The following COL13A1 variants were observed in gnomAD, a reference collection of about 807,000 sequenced individuals.
The protein encoded by COL13A1 is collagen alpha-1(XIII) chain.
In COL13A1, 89 loss-of-function variants were observed where a neutral mutation model predicts 130.9. That is an observed-to-expected ratio of 0.68 (90% confidence interval 0.57 to 0.81). The LOEUF is 0.81. Ranked by LOEUF, COL13A1 falls within the 30% of genes least tolerant of loss-of-function variation. COL13A1 has a pLI of 0.00. For missense variants in COL13A1, 879 were observed against 934.6 expected, an observed-to-expected ratio of 0.94 and a Z score of 0.78; for synonymous variants, 402 against 341.6, an observed-to-expected ratio of 1.18 and a Z score of -1.95.
At chr10:69,894,742 A>G (rs1564976640) in intron 12 of COL13A1, 41 bp downstream of exon 12, 2 of 1,613,068 alleles carry the variant, frequency 1.2e-6, no homozygotes, top group Admixed American at 3.3e-5. Context: ...CATCTCAGGA[A>G]ATGGCCTCCC....
chr10:69,880,855 G>T (rs942372020), intron 7 of COL13A1, among the ~76,000 whole-genome samples: 1 of 152,234 alleles, frequency 6.6e-6, no homozygotes, highest in African/African-American at 2.4e-5. Context: ...GGGAGAAAGG[G>T]CTCGCTCTCC....
At chr10:69,946,681 C>T (rs1447800122) in intron 37 of COL13A1, among the ~76,000 whole-genome samples, 1 of 152,218 alleles carries the variant, frequency 6.6e-6, no homozygotes, top group Non-Finnish European at 1.5e-5. Flanking sequence ...CCCCCACAAG[C>T]GCATCCTCAG....
At chr10:69,878,671 A>G (rs750034443) in intron 6 of COL13A1, among the ~76,000 whole-genome samples, 1 of 152,202 alleles carries the variant, frequency 6.6e-6, no homozygotes, top group Non-Finnish European at 1.5e-5. Flanking sequence ...TAGTAGAGAC[A>G]GGGTTTTACC....
At chr10:69,904,790 G>A in intron 15 of COL13A1, 143 bp from the exon 16 acceptor site, 1 of 818,726 alleles carries the variant, frequency 1.2e-6, no homozygotes, top group Non-Finnish European at 1.9e-6. Context: ...ATCCACTAGA[G>A]CTGTTGGCTA....
chr10:69,859,563 T>C (rs1198684389), intron 2 of COL13A1, among the ~76,000 whole-genome samples: 2 of 152,226 alleles, frequency 1.3e-5, no homozygotes. Context: ...AGATCCGGTG[T>C]CAGGAAGAAG....
rs1206823128 is a variant in COL13A1, at chr10:69,958,786, G to A, written c.*85G>A. ...CAGTTTTCACTTTTTGAAAATGCCAGAAGTATGATGCATCTTACAGATTAT... is the reference window on the plus strand; with the variant it reads ...CAGTTTTCACTTTTTGAAAATGCCAAAAGTATGATGCATCTTACAGATTAT... On this transcript the variant is annotated 3_prime_UTR_variant, in exon 41 of 41. Coordinates refer to ENST00000645393, the MANE Select transcript of COL13A1 (RefSeq NM_001368882.1). The A allele has an allele frequency of 2.6e-6, 4 of 1,552,476 alleles. No individual in the cohort carries two copies. The highest frequency in any genetic ancestry group is 4.5e-5 in the East Asian group (2 of 44,584).
In COL13A1 at chr10:69,943,220, C is replaced by G. The variant is rs149456272; in HGVS notation, c.1915-905C>G. Reference sequence around the variant, plus strand: ...CCCTCCTTGTGGTTGCAAAGGGGGGCCCTGAGGACATCTTACTCCCCTCTT... The same window carrying G: ...CCCTCCTTGTGGTTGCAAAGGGGGGGCCTGAGGACATCTTACTCCCCTCTT... On this transcript the variant is annotated intron_variant, in intron 35 of 40. Coordinates refer to ENST00000645393, the MANE Select transcript of COL13A1 (RefSeq NM_001368882.1). Among the ~76,000 whole-genome samples the G allele has an allele frequency of 4.7e-3, 723 of 152,300 alleles. 12 individuals carry two copies. The highest frequency in any genetic ancestry group is 0.017 in the African/African-American group (689 of 41,546).
intron 23 of COL13A1, among the ~76,000 whole-genome samples, chr10:69,923,475 C>A (rs1253150963): frequency 6.6e-6 from 1 of 152,246 alleles, no homozygotes; most frequent in Non-Finnish European, 1.5e-5. Context: ...TGGGGCAATA[C>A]ACTCATTCAT....
chr10:69,930,124 C>T (rs903008770), intron 29 of COL13A1, 37 bp downstream of exon 29: 6 of 1,607,902 alleles, frequency 3.7e-6, no homozygotes, highest in Non-Finnish European at 4.3e-6. Context: ...CCTCTGAAGA[C>T]AGTCTTGGCC....
At chr10:69,916,311 C>T (rs781692857) in intron 17 of COL13A1, among the ~76,000 whole-genome samples, 12 of 152,264 alleles carry the variant, frequency 7.9e-5, no homozygotes, top group Non-Finnish European at 1.5e-4. Context: ...ATCCACAGCG[C>T]TGGCCTTCAG....
intron 7 of COL13A1, among the ~76,000 whole-genome samples, chr10:69,887,032 T>G (rs2060655931): frequency 6.6e-6 from 1 of 152,180 alleles, no homozygotes; most frequent in African/African-American, 2.4e-5. Context: ...ATCCAAGCCA[T>G]CCTTAGATAA....
chr10:69,849,371 G>C (rs1426563782), intron 2 of COL13A1, among the ~76,000 whole-genome samples: 2 of 152,180 alleles, frequency 1.3e-5, no homozygotes, highest in Non-Finnish European at 2.9e-5. Context: ...CCGCAGCAGT[G>C]CCCCCTGATC....
chr10:69,898,576 C>G (rs1299639381), intron 13 of COL13A1, 121 bp from the exon 14 acceptor site: 5 of 716,414 alleles, frequency 7.0e-6, no homozygotes, highest in Middle Eastern at 2.4e-4. Context: ...TCTCTCTTCT[C>G]TCTTCCTCTG....
chr10:69,891,321 C>G (rs1245187242), intron 10 of COL13A1, among the ~76,000 whole-genome samples: 1 of 152,198 alleles, frequency 6.6e-6, no homozygotes, highest in Non-Finnish European at 1.5e-5. Flanking sequence ...GAACTAGTGC[C>G]TGAAGAATGA....
Position 69,822,648 on chromosome 10 carries a change from A to G in COL13A1, c.364+210A>G, listed in dbSNP as rs140337575. Among the ~76,000 whole-genome samples, 1,007 of 152,318 alleles carry G rather than the reference A, an allele frequency of 6.6e-3. 11 individuals carry two copies. Among genetic ancestry groups the G allele is most frequent in the African/African-American group, 0.023 (945 of 41,568 alleles). On this transcript the variant is annotated intron_variant, in intron 2 of 40. Transcript: ENST00000645393. ...CAGTCCACCCACCATTCATTTGTTC[A>G]TAGAGTATTTTATGGGCCTGATACT...
At chr10:69,891,920 G>A (rs1194930271) in intron 10 of COL13A1, among the ~76,000 whole-genome samples, 1 of 152,172 alleles carries the variant, frequency 6.6e-6, no homozygotes. Flanking sequence ...CCATGCAGTG[G>A]AGTCTTACCC....
At chr10:69,846,925 G>T (rs1010436347) in intron 2 of COL13A1, among the ~76,000 whole-genome samples, 1 of 152,204 alleles carries the variant, frequency 6.6e-6, no homozygotes, top group African/African-American at 2.4e-5. Context: ...TCAAGTGGGG[G>T]TGCTTCCCAG....
chr10:69,892,530 C>G (rs1174549316), intron 10 of COL13A1, among the ~76,000 whole-genome samples: 1 of 152,184 alleles, frequency 6.6e-6, no homozygotes, highest in African/African-American at 2.4e-5. Context: ...TGGACTGAGT[C>G]CAAATCTCAC....
rs560482948 is a variant in COL13A1, at chr10:69,872,323, G to A, written c.399+113G>A. On this transcript the variant is annotated intron_variant, in intron 4 of 40. Coordinates refer to ENST00000645393, the MANE Select transcript of COL13A1 (RefSeq NM_001368882.1). ...TTCTCCAGGTGTATCTGGGTGACAG[G>A]CCACTCTCCAGAGTCCCTGATCTAT... 158 of 1,210,718 alleles carry A rather than the reference G, an allele frequency of 1.3e-4. No homozygotes were observed. In the African/African-American group the frequency reaches 2.2e-3, roughly 17 times the overall value. 75.0% of individuals were successfully genotyped at this position (1,210,718 alleles called of 1,614,324 possible).
Sources: allele counts gnomAD v4.1 joint callset (sites outside exome capture counted in the v4.1 genomes callset), GRCh38; gene constraint gnomAD v4.1.1; transcripts MANE v1.5; gene names NCBI Gene and HGNC (gene_info 2026-07-23, HGNC 2026-07-21).